ARID5B: variants seen among roughly 807,000 people sequenced by gnomAD.
The protein encoded by ARID5B is AT-rich interactive domain-containing protein 5B.
Under a neutral mutation model 97.2 loss-of-function variants are expected in ARID5B, and 13 were observed. That is an observed-to-expected ratio of 0.13 (90% CI 0.09 to 0.21). The LOEUF is 0.21. Among genes scored for constraint, ARID5B ranks in the 10% least tolerant of loss-of-function variants. ARID5B has a pLI of 1.00. For synonymous variants in ARID5B, 556 were observed against 570.3 expected, an observed-to-expected ratio of 0.97 and a Z score of 0.36; for missense variants, 1,210 against 1,465.3, an observed-to-expected ratio of 0.83 and a Z score of 2.84.
intron 3 of ARID5B, among the ~76,000 whole-genome samples, chr10:61,996,178 C>A (rs1488633875): frequency 6.6e-6 from 1 of 152,050 alleles, no homozygotes; most frequent in East Asian, 1.9e-4. Context: ...TAAATCATTA[C>A]AGTGGAAATT....
At chr10:62,008,280 A>G (rs1564626356) in intron 4 of ARID5B, among the ~76,000 whole-genome samples, 1 of 152,156 alleles carries the variant, frequency 6.6e-6, no homozygotes, top group Non-Finnish European at 1.5e-5. Flanking sequence ...ACAGATAAGG[A>G]CACTGAAGCA....
At chr10:62,085,960 C>T in intron 9 of ARID5B, 60 bp downstream of exon 9, 2 of 1,532,412 alleles carry the variant, frequency 1.3e-6, no homozygotes. Flanking sequence ...CGAGGTCCTT[C>T]TGGAGCCCTG....
intron 5 of ARID5B, 31 bp from the exon 6 acceptor site, chr10:62,057,086 C>T (rs554815237): frequency 8.7e-6 from 14 of 1,607,882 alleles, no homozygotes; most frequent in Admixed American, 3.4e-5. Flanking sequence ...GGCTGTGCCT[C>T]GTCTGATGTG....
intron 6 of ARID5B, among the ~76,000 whole-genome samples, chr10:62,058,498 AG>A (rs1220269158): frequency 8.9e-4 from 136 of 152,356 alleles, no homozygotes; most frequent in Non-Finnish European, 1.4e-3. Context: ...ATAAATGAAC[AG>A]GGTTGCTAGC....
chr10:62,000,384 C>T lies in ARID5B; in HGVS notation c.733+63C>T, dbSNP rs959819645. 34 of 1,430,274 alleles carry T rather than the reference C, an allele frequency of 2.4e-5. No homozygotes were observed. In the East Asian group the frequency reaches 7.8e-4, roughly 33 times the overall value. The allele number at this position is 1,430,274 out of a possible 1,614,324, so 88.6% of individuals were successfully genotyped here. The stretch of plus-strand genomic sequence containing the variant: ...CGTGTGTGCCTAGTTGTTTTCAGTT[C>T]TTCTGAAGAGCGGTGATGGGGAACG... On this transcript the variant is annotated intron_variant, in intron 4 of 9. Transcript: ENST00000279873. This position sits in a 1 kb window ranked among gnomAD's most constrained non-coding sequence, Gnocchi z 4.4.
At chr10:61,943,608 T>C (rs1844451792) in intron 3 of ARID5B, among the ~76,000 whole-genome samples, 1 of 152,086 alleles carries the variant, frequency 6.6e-6, no homozygotes, top group African/African-American at 2.4e-5. Flanking sequence ...AATAACAAAA[T>C]AATTAGATTG....
At chr10:62,065,329 C>A (rs1229457389) in intron 7 of ARID5B, among the ~76,000 whole-genome samples, 1 of 152,112 alleles carries the variant, frequency 6.6e-6, no homozygotes, top group Non-Finnish European at 1.5e-5. Flanking sequence ...AATTATGAAC[C>A]TTGAAAGCAG....
At chr10:61,918,827 AG>A (rs147091114) in intron 2 of ARID5B, among the ~76,000 whole-genome samples, 31,160 of 151,938 alleles carry the variant, frequency 0.21, 3,593 homozygotes, top group South Asian at 0.27. Flanking sequence ...TGAGGTTAGG[AG>A]TTTGTGACCA....
intron 4 of ARID5B, among the ~76,000 whole-genome samples, chr10:62,001,171 G>A (rs958254680): frequency 1.3e-5 from 2 of 152,146 alleles, no homozygotes; most frequent in Admixed American, 1.3e-4. Flanking sequence ...CATATCAGTG[G>A]TTTTCAGCAG....
At chr10:61,915,832 T>G (rs1843893146) in intron 2 of ARID5B, among the ~76,000 whole-genome samples, 1 of 151,870 alleles carries the variant, frequency 6.6e-6, no homozygotes, top group African/African-American at 2.4e-5. Flanking sequence ...CTCAGCTCAC[T>G]GCAACCTTCA....
At chr10:61,952,920 ATCT>A (rs149442002) in intron 3 of ARID5B, among the ~76,000 whole-genome samples, 510 of 152,158 alleles carry the variant, frequency 3.4e-3, no homozygotes, top group African/African-American at 0.011. Context: ...TCTCAAGGGA[ATCT>A]TCTTCGTGTT....
At chr10:61,944,185 A>T (rs1014370416) in intron 3 of ARID5B, among the ~76,000 whole-genome samples, 2 of 148,336 alleles carry the variant, frequency 1.3e-5, no homozygotes, top group Non-Finnish European at 1.5e-5. Context: ...GAAGTTTATA[A>T]AAAAAAAAGA....
At chr10:61,906,797 C>T (rs1248686562) in intron 2 of ARID5B, among the ~76,000 whole-genome samples, 1 of 152,198 alleles carries the variant, frequency 6.6e-6, no homozygotes, top group African/African-American at 2.4e-5. Flanking sequence ...AATATTTAAA[C>T]AGTCTCAGTC....
chr10:62,011,926 A>C lies in ARID5B; in HGVS notation c.733+11605A>C, dbSNP rs184025316. ...ATCACAGCTGTGATTATATACAGCA[A>C]ACCCTAATTAACCAGAATCTTCCAT... On this transcript the variant is annotated intron_variant, in intron 4 of 9. Coordinates refer to ENST00000279873, the MANE Select transcript of ARID5B (RefSeq NM_032199.3). 1.1e-4 allele frequency among the ~76,000 whole-genome samples: 17 copies of C among 152,304 alleles called. No homozygotes were observed. The East Asian group carries it at 3.1e-3, about 28-fold the overall frequency.
intron 6 of ARID5B, among the ~76,000 whole-genome samples, chr10:62,057,679 A>G (rs1839874253): frequency 6.6e-6 from 1 of 152,214 alleles, no homozygotes; most frequent in Non-Finnish European, 1.5e-5. Context: ...TGCCTGTGAA[A>G]AAAACAGCTT....
chr10:62,040,879 G>A (rs1839627784), intron 4 of ARID5B, among the ~76,000 whole-genome samples: 1 of 152,146 alleles, frequency 6.6e-6, no homozygotes, highest in South Asian at 2.1e-4. Flanking sequence ...ATCAGACACA[G>A]CAATTCTAAA....
chr10:61,903,688 C>A (rs1332724627), intron 2 of ARID5B, among the ~76,000 whole-genome samples: 2 of 152,176 alleles, frequency 1.3e-5, no homozygotes, highest in Non-Finnish European at 2.9e-5. Context: ...TAACTCATCC[C>A]GGGGCTCGGA....
chr10:61,960,863 G>A (rs546090420), intron 3 of ARID5B, among the ~76,000 whole-genome samples: 33 of 152,356 alleles, frequency 2.2e-4, no homozygotes, highest in African/African-American at 7.7e-4. Flanking sequence ...TAAAAGTCTG[G>A]CAGACATAGA....
In ARID5B at chr10:62,091,017, C is replaced by T. The variant is rs115015787; in HGVS notation, c.1554C>T (p.Asn518=). 441 of 1,614,064 alleles carry T rather than the reference C, an allele frequency of 2.7e-4. No individual in the cohort carries two copies. The African/African-American group carries it at 3.9e-3, about 14-fold the overall frequency. ...CCAGAGTAGACCCAGAGAAGGACAA[C>T]GAAACAGACCAAGGTTCCAACAGTG... ...LASRVDPEKD[N]ETDQGSNSEK... is the part of the protein sequence containing the mutation. Residue 518 remains asparagine, a synonymous_variant, in exon 10 of 10, where the codon AAC becomes AAT. Coordinates refer to ENST00000279873, the MANE Select transcript of ARID5B (RefSeq NM_032199.3).
Sources: allele counts gnomAD v4.1 joint callset (sites outside exome capture counted in the v4.1 genomes callset), GRCh38; gene constraint gnomAD v4.1.1; non-coding constraint Gnocchi (gnomAD v3.1); transcripts MANE v1.5; gene names NCBI Gene and HGNC (gene_info 2026-07-23, HGNC 2026-07-21).